The following KIF6 variants were observed in gnomAD, a reference collection of about 807,000 sequenced individuals.
The protein encoded by KIF6 is kinesin family member 6, also known as kinesin-like protein KIF6.
Under a neutral mutation model 112.7 loss-of-function variants are expected in KIF6, and 106 were observed. That is an observed-to-expected ratio of 0.94 (90% CI 0.80 to 1.11). The LOEUF (loss-of-function observed/expected upper bound fraction) is 1.11, where lower values mean the gene tolerates loss of function less well. Ranked by LOEUF, KIF6 falls within the 50% of genes least tolerant of loss-of-function variation. The probability of loss-of-function intolerance (pLI) is 0.00; values close to 1 mark genes in which losing one functional copy is unlikely to be tolerated. For missense variants in KIF6, 929 were observed against 964.0 expected (o/e 0.96, Z 0.48); for synonymous variants, 339 against 339.9 (o/e 1.00, Z 0.03).
intron 13 of KIF6, among the ~76,000 whole-genome samples, chr6:39,466,840 G>C (rs1442610141): frequency 6.6e-6 from 1 of 152,194 alleles, no homozygotes; most frequent in Non-Finnish European, 1.5e-5. Flanking sequence ...GGTGAAGCAG[G>C]CCAAGAATAC....
At chr6:39,658,216 A>G (rs1169452094) in intron 3 of KIF6, among the ~76,000 whole-genome samples, 1 of 152,166 alleles carries the variant, frequency 6.6e-6, no homozygotes. Context: ...TAGAATATCT[A>G]CCTTTATTTT....
intron 13 of KIF6, among the ~76,000 whole-genome samples, chr6:39,466,674 G>T (rs1773805395): frequency 6.6e-6 from 1 of 152,122 alleles, no homozygotes; most frequent in South Asian, 2.1e-4. Flanking sequence ...CCAGTCTAAG[G>T]TTATGGTATC....
rs185901256 is a variant in KIF6, at chr6:39,519,608, T to C, written c.1645+20395A>G. The stretch of plus-strand genomic sequence containing the variant: ...TCCAAAACCTGGGATTCTGCGAGTC[T>C]AGGAAGGGAAATGGATGGAACAAAG... On this transcript the variant is annotated intron_variant, in intron 13 of 22. Transcript: ENST00000287152. Among the ~76,000 whole-genome samples, 393 of 152,142 alleles carry C rather than the reference T, an allele frequency of 2.6e-3. 4 individuals carry two copies. The highest frequency in any genetic ancestry group is 8.8e-3 in the African/African-American group (365 of 41,470).
At position 39,529,397 on chromosome 6, in the gene KIF6, C is replaced by T. The variant is rs75517212; in HGVS notation, c.1645+10606G>A. Among the ~76,000 whole-genome samples, 1,401 of 152,146 alleles carry T rather than the reference C, an allele frequency of 9.2e-3. 23 individuals are homozygous for T. The highest frequency in any genetic ancestry group is 0.032 in the African/African-American group (1,340 of 41,502). ...TGAATTGGGAGAAAATATTGTAAGCCATACAGCTGATCAGGGATTCATATC... is the reference window on the plus strand; with the variant it reads ...TGAATTGGGAGAAAATATTGTAAGCTATACAGCTGATCAGGGATTCATATC... On this transcript the variant is annotated intron_variant, in intron 13 of 22. Coordinates refer to ENST00000287152, the MANE Select transcript of KIF6 (RefSeq NM_145027.6).
At chr6:39,677,415 A>G (rs922691002) in intron 3 of KIF6, among the ~76,000 whole-genome samples, 1 of 152,148 alleles carries the variant, frequency 6.6e-6, no homozygotes, top group African/African-American at 2.4e-5. Flanking sequence ...GGATATAGCA[A>G]ACCTGGACCA....
intron 13 of KIF6, among the ~76,000 whole-genome samples, chr6:39,453,807 T>C (rs1025300836): frequency 6.6e-6 from 1 of 152,220 alleles, no homozygotes; most frequent in Admixed American, 6.5e-5. Context: ...TTGGCCTCTC[T>C]GAGGTATTTA....
intron 19 of KIF6, among the ~76,000 whole-genome samples, chr6:39,347,401 G>A (rs1258103355): frequency 6.6e-6 from 1 of 152,256 alleles, no homozygotes; most frequent in African/African-American, 2.4e-5. Context: ...CACCTAGGCT[G>A]CTGACATGTG....
intron 5 of KIF6, among the ~76,000 whole-genome samples, chr6:39,632,588 C>CA (rs35217887): frequency 0.074 from 10,429 of 141,120 alleles, 426 homozygotes; most frequent in Middle Eastern, 0.15. Flanking sequence ...CCAAGTACAG[C>CA]AAAAAAAAAA....
At chr6:39,590,285 A>G (rs1326035305) in intron 7 of KIF6, among the ~76,000 whole-genome samples, 2 of 152,038 alleles carry the variant, frequency 1.3e-5, no homozygotes, top group Non-Finnish European at 2.9e-5. Flanking sequence ...CTTATATAAA[A>G]CAAATTCACT....
At chr6:39,553,624 G>T (rs1315788013) in intron 10 of KIF6, among the ~76,000 whole-genome samples, 6 of 152,156 alleles carry the variant, frequency 3.9e-5, no homozygotes, top group Non-Finnish European at 7.3e-5. Context: ...TCCTTTAAAT[G>T]CAATGATGAA....
At chr6:39,357,761 T>C (rs1258263568) in intron 18 of KIF6, among the ~76,000 whole-genome samples, 3 of 152,146 alleles carry the variant, frequency 2.0e-5, no homozygotes, top group Non-Finnish European at 4.4e-5. Context: ...GATGTAATTC[T>C]TAAGGGGAAC....
chr6:39,600,274 C>T (rs2150694116), intron 6 of KIF6, among the ~76,000 whole-genome samples: 1 of 152,242 alleles, frequency 6.6e-6, no homozygotes, highest in South Asian at 2.1e-4. Flanking sequence ...GCGACTGTGC[C>T]TTTGGAAAAA....
At chr6:39,405,364 C>T (rs913359559) in intron 15 of KIF6, among the ~76,000 whole-genome samples, 1 of 152,156 alleles carries the variant, frequency 6.6e-6, no homozygotes, top group African/African-American at 2.4e-5. Context: ...AATAGATGTC[C>T]TTCATCAGGT....
intron 3 of KIF6, among the ~76,000 whole-genome samples, chr6:39,694,761 CA>C (rs1788425999): frequency 6.6e-6 from 1 of 152,052 alleles, no homozygotes; most frequent in Admixed American, 6.5e-5. Context: ...TCAAATAATT[CA>C]ACACTTTTCC....
At chr6:39,596,895 T>A in intron 6 of KIF6, among the ~76,000 whole-genome samples, 1 of 152,134 alleles carries the variant, frequency 6.6e-6, no homozygotes, top group East Asian at 1.9e-4. Context: ...GGATATGAGA[T>A]GAATATATAA....
At chr6:39,615,098 A>C (rs1783431599) in intron 5 of KIF6, among the ~76,000 whole-genome samples, 1 of 152,050 alleles carries the variant, frequency 6.6e-6, no homozygotes, top group Non-Finnish European at 1.5e-5. Flanking sequence ...GCTTGAGCCC[A>C]GGCATTCAAG....
intron 7 of KIF6, among the ~76,000 whole-genome samples, chr6:39,594,183 T>C (rs181992040): frequency 1.1e-4 from 16 of 151,074 alleles, no homozygotes; most frequent in Admixed American, 2.6e-4. Context: ...TAGTGACACA[T>C]AGCAGTTTGC....
At chr6:39,361,949 G>A (rs1372502630) in intron 17 of KIF6, among the ~76,000 whole-genome samples, 1 of 152,234 alleles carries the variant, frequency 6.6e-6, no homozygotes, top group African/African-American at 2.4e-5. Flanking sequence ...ATCAATGAAT[G>A]AGTGGATGCA....
At chr6:39,442,983 G>A (rs1430729263) in intron 13 of KIF6, among the ~76,000 whole-genome samples, 4 of 151,716 alleles carry the variant, frequency 2.6e-5, no homozygotes, top group East Asian at 1.9e-4. Context: ...GCGTGGTGGC[G>A]GGCACCTGTA....
Sources: allele counts gnomAD v4.1 joint callset (sites outside exome capture counted in the v4.1 genomes callset), GRCh38; gene constraint gnomAD v4.1.1; transcripts MANE v1.5; gene names NCBI Gene and HGNC (gene_info 2026-07-23, HGNC 2026-07-21).